DMTF1: variants seen among roughly 807,000 people sequenced by gnomAD.
DMTF1 encodes cyclin-D-binding Myb-like transcription factor 1.
A neutral mutation model predicts 91.1 loss-of-function variants in DMTF1; 39 were observed. That is an observed-to-expected ratio of 0.43 (90% CI 0.33 to 0.56). The LOEUF (loss-of-function observed/expected upper bound fraction) is 0.56, where lower values mean the gene tolerates loss of function less well. DMTF1 is among the 20% of genes least tolerant of loss of function. The probability of loss-of-function intolerance (pLI) is 0.05; values close to 1 mark genes in which losing one functional copy is unlikely to be tolerated. For missense variants in DMTF1, 750 were observed against 914.5 expected (o/e 0.82, Z 2.32); for synonymous variants, 338 against 309.5 (o/e 1.09, Z -0.97).
At chr7:87,193,494 G>T in intron 15 of DMTF1, 141 bp downstream of exon 15, 1 of 889,612 alleles carries the variant, frequency 1.1e-6, no homozygotes. Flanking sequence ...CCATCACTCT[G>T]CCTTCACTGG....
chr7:87,171,135 C>T (rs1411923701), intron 5 of DMTF1, 46 bp downstream of exon 5: 1 of 1,261,622 alleles, frequency 7.9e-7, no homozygotes, highest in South Asian at 1.3e-5. Flanking sequence ...ATCCTTTACA[C>T]ATTGCTTAGC....
chr7:87,178,486 CAT>C (rs1796704863), intron 7 of DMTF1, among the ~76,000 whole-genome samples: 1 of 152,078 alleles, frequency 6.6e-6, no homozygotes, highest in African/African-American at 2.4e-5. Flanking sequence ...GTTTTTCCCA[CAT>C]CTGTTGAGAT....
chr7:87,153,153 G>C (rs1199958199), intron 1 of DMTF1, among the ~76,000 whole-genome samples: 1 of 151,812 alleles, frequency 6.6e-6, no homozygotes, highest in Non-Finnish European at 1.5e-5. Context: ...AATTTTGCGG[G>C]GGTTCAGCCT....
rs1426617932 is a variant in DMTF1, at chr7:87,171,078, A to C, written c.316A>C (p.Thr106Pro). The C allele has an allele frequency of 6.2e-7, 1 of 1,602,142 alleles. No homozygotes were observed. The highest frequency in any genetic ancestry group is 1.7e-4 in the Middle Eastern group (1 of 6,038). ...TGATGAGGTTACTGAGGGGACTGTG[A>C]CACAGATACAGGTATAGTAAATCTT... ...ADDEVTEGTV[T>P]QIQILQNEQL... Residue 106 changes from threonine (T) to proline (P), a missense_variant, in exon 5 of 18, where the codon ACA (threonine) becomes CCA (proline). Transcript: ENST00000331242.
chr7:87,184,290 A>T lies in DMTF1; in HGVS notation c.821-107A>T. ...CCACCAGAGGGTCATTCAGAAACAA[A>T]CTCTTAGTACTATTGCTTACTTCCT... On this transcript the variant is annotated intron_variant, in intron 10 of 17. Transcript: ENST00000331242. 3 of 1,024,834 alleles carry T rather than the reference A, an allele frequency of 2.9e-6. No homozygotes were observed. The South Asian group carries it at 4.8e-5, about 17-fold the overall frequency. 63.5% of individuals were successfully genotyped at this position (1,024,834 alleles called of 1,614,324 possible).
chr7:87,159,349 A>G (rs1791613993), intron 1 of DMTF1, among the ~76,000 whole-genome samples: 1 of 152,268 alleles, frequency 6.6e-6, no homozygotes, highest in South Asian at 2.1e-4. Flanking sequence ...AATTCCTTGC[A>G]CAGCTTTCTA....
chr7:87,193,667 G>A (rs984836041), intron 15 of DMTF1, 58 bp from the exon 16 acceptor site: 1 of 1,435,990 alleles, frequency 7.0e-7, no homozygotes, highest in Non-Finnish European at 9.5e-7. Context: ...AGACAGTGAG[G>A]TACCCCCATA....
chr7:87,188,513 TA>T (rs759609248), intron 13 of DMTF1, among the ~76,000 whole-genome samples: 11 of 152,220 alleles, frequency 7.2e-5, no homozygotes, highest in Non-Finnish European at 1.2e-4. Context: ...CCAACCATTA[TA>T]AACCATTTGA....
chr7:87,194,897 C>A, intron 17 of DMTF1, 69 bp downstream of exon 17: 1 of 1,513,496 alleles, frequency 6.6e-7, no homozygotes, highest in Non-Finnish European at 9.0e-7. Context: ...ATTTAATTAA[C>A]TTGTTTCAGT....
chr7:87,179,245 C>T (rs551365070), intron 7 of DMTF1, among the ~76,000 whole-genome samples: 1 of 151,998 alleles, frequency 6.6e-6, no homozygotes, highest in African/African-American at 2.4e-5. Flanking sequence ...TGATTTTGCT[C>T]TTGTGATTTT....
intron 9 of DMTF1, 44 bp downstream of exon 9, chr7:87,181,385 T>A (rs1300215605): frequency 1.0e-6 from 1 of 955,130 alleles, no homozygotes; most frequent in Non-Finnish European, 1.6e-6. Context: ...TTTTTATGTC[T>A]TACGTCCTTA....
chr7:87,153,647 A>G (rs1789925510), intron 1 of DMTF1, among the ~76,000 whole-genome samples: 1 of 151,974 alleles, frequency 6.6e-6, no homozygotes, highest in South Asian at 2.1e-4. Flanking sequence ...ATGTACATGG[A>G]TTTGATTATG....
chr7:87,171,005 T>C lies in DMTF1; in HGVS notation c.243T>C (p.Asn81=). 1 of 1,609,256 alleles carries C rather than the reference T, an allele frequency of 6.2e-7. No individual in the cohort carries two copies. Among genetic ancestry groups the C allele is most frequent in the Non-Finnish European group, 8.5e-7 (1 of 1,176,680 alleles). Residue 81 remains asparagine (N), a synonymous_variant, in exon 5 of 18, where the codon AAT becomes AAC. Coordinates refer to ENST00000331242, the MANE Select transcript of DMTF1 (RefSeq NM_001142327.2). ...ISVVALPLSE[N]DQSFEVTMTA... is the part of the protein sequence containing the mutation. ...TTCCTTTTCTTGAAGTTTCAGAAAATGATCAGAGCTTTGAAGTGACCATGA... is the reference window on the plus strand; with the variant it reads ...TTCCTTTTCTTGAAGTTTCAGAAAACGATCAGAGCTTTGAAGTGACCATGA...
intron 4 of DMTF1, among the ~76,000 whole-genome samples, chr7:87,168,102 T>C (rs568475363): frequency 6.6e-6 from 1 of 152,320 alleles, no homozygotes; most frequent in Admixed American, 6.5e-5. Flanking sequence ...TCATCACATA[T>C]GGAAGACACA....
At chr7:87,190,181 A>G (rs538523883) in intron 13 of DMTF1, among the ~76,000 whole-genome samples, 1 of 152,192 alleles carries the variant, frequency 6.6e-6, no homozygotes, top group African/African-American at 2.4e-5. Context: ...ATGTAAAGAC[A>G]TTATACTGTC....
chr7:87,161,659 T>G (rs1174346409), intron 1 of DMTF1, among the ~76,000 whole-genome samples: 2 of 152,246 alleles, frequency 1.3e-5, no homozygotes, highest in Non-Finnish European at 2.9e-5. Context: ...ATCTCTAACA[T>G]GAGTTGCAGA....
intron 1 of DMTF1, among the ~76,000 whole-genome samples, chr7:87,157,574 T>C (rs1279634007): frequency 6.6e-6 from 1 of 152,260 alleles, no homozygotes; most frequent in East Asian, 1.9e-4. Context: ...GTAGACTCAA[T>C]TGATGGAAAT....
In DMTF1 at chr7:87,156,574, G is replaced by A. The variant is rs184178810; in HGVS notation, c.-132+4019G>A. On this transcript the variant is annotated intron_variant, in intron 1 of 17. Coordinates refer to ENST00000331242, the MANE Select transcript of DMTF1 (RefSeq NM_001142327.2). The stretch of plus-strand genomic sequence containing the variant: ...TAGTCCAAAACATTCTTCTTCAAGT[G>A]TGTAGTGTTCCTATTCGTATCTTGA... Among the ~76,000 whole-genome samples, 10 of 152,220 alleles carry A rather than the reference G, an allele frequency of 6.6e-5. No homozygotes were observed. The East Asian group carries it at 1.9e-3, about 29-fold the overall frequency.
chr7:87,171,671 C>G (rs1408998342), intron 5 of DMTF1, among the ~76,000 whole-genome samples: 1 of 151,878 alleles, frequency 6.6e-6, no homozygotes, highest in Non-Finnish European at 1.5e-5. Flanking sequence ...ATCCTGCAAC[C>G]AACTCATAAA....
Sources: gnomAD v4.1 joint callset for allele counts (sites outside exome capture counted in the v4.1 genomes callset) on GRCh38, gnomAD v4.1.1 for gene constraint, MANE v1.5 for transcripts, NCBI Gene and HGNC (gene_info 2026-07-23, HGNC 2026-07-21) for gene names.